Variants in STPG2 observed in about 807,000 individuals in gnomAD.
The protein encoded by STPG2 is sperm tail PG-rich repeat containing 2.
Under a neutral mutation model 54.2 loss-of-function variants are expected in STPG2, and 56 were observed. The ratio of observed to expected loss-of-function variants is 1.03; its 90% confidence interval spans 0.83 to 1.29. The LOEUF (loss-of-function observed/expected upper bound fraction) is 1.29. Among genes scored for constraint, STPG2 ranks in the 50% most tolerant of loss-of-function variants. The pLI is 0.00. For synonymous variants in STPG2, 200 were observed against 181.8 expected, an observed-to-expected ratio of 1.10 and a Z score of -0.81; for missense variants, 596 against 544.9, an observed-to-expected ratio of 1.09 and a Z score of -0.93.
intron 9 of STPG2, among the ~76,000 whole-genome samples, chr4:97,779,050 T>G (rs1726497951): frequency 6.6e-6 from 1 of 152,080 alleles, no homozygotes; most frequent in South Asian, 2.1e-4. Context: ...GGAACACAGC[T>G]CCTCACCAGC....
chr4:97,602,414 T>C (rs72890835), intron 10 of STPG2, among the ~76,000 whole-genome samples: 16,521 of 151,774 alleles, frequency 0.11, 2,672 homozygotes, highest in African/African-American at 0.36. Flanking sequence ...ACACACTTAT[T>C]TTCCCTTTTT....
intron 1 of STPG2, among the ~76,000 whole-genome samples, chr4:98,136,015 A>G (rs1740124475): frequency 6.6e-6 from 1 of 151,792 alleles, no homozygotes; most frequent in South Asian, 2.1e-4. Flanking sequence ...AAGTCAATGA[A>G]AAGAAACAGA....
At chr4:97,595,307 G>A (rs936590113) in intron 10 of STPG2, among the ~76,000 whole-genome samples, 3 of 152,022 alleles carry the variant, frequency 2.0e-5, no homozygotes, top group African/African-American at 7.3e-5. Flanking sequence ...GTAGGGACAT[G>A]GATGAAGCTG....
Position 97,972,455 on chromosome 4 carries a change from A to C in STPG2, c.773-15T>G. 7.0e-7 allele frequency: 1 copy of C among 1,421,570 alleles called. No homozygotes were observed. The highest frequency in any genetic ancestry group is 9.5e-7 in the Non-Finnish European group (1 of 1,057,768). 88.1% of individuals were successfully genotyped at this position (1,421,570 alleles called of 1,614,324 possible). A position where few individuals can be genotyped will look rare whatever the true frequency, so the allele number is the denominator to read the frequency against. ...AAATCCAGGACCTAAAATTATTAGAAGTATCATATATAAGAATAAGCATGC... is the reference window on the plus strand; with the variant it reads ...AAATCCAGGACCTAAAATTATTAGACGTATCATATATAAGAATAAGCATGC... On this transcript the variant is annotated splice_polypyrimidine_tract_variant and intron_variant, in intron 6 of 10. Transcript: ENST00000295268.
Position 98,019,613 on chromosome 4 carries a change from G to A in STPG2, c.613-38295C>T, listed in dbSNP as rs183702494. 1.8e-3 allele frequency among the ~76,000 whole-genome samples: 266 copies of A among 150,548 alleles called. 1 individual carries two copies. The highest frequency in any genetic ancestry group is 6.2e-3 in the African/African-American group (253 of 40,762). The stretch of plus-strand genomic sequence containing the variant: ...ATGTATAAATTACCTTGGGCAGTAC[G>A]GCCATTTTCACAATATTGATTCTTC... On this transcript the variant is annotated intron_variant, in intron 5 of 10. Coordinates refer to ENST00000295268, the MANE Select transcript of STPG2 (RefSeq NM_174952.3).
chr4:97,608,008 C>T (rs1318027965), intron 10 of STPG2, among the ~76,000 whole-genome samples: 1 of 151,944 alleles, frequency 6.6e-6, no homozygotes, highest in Non-Finnish European at 1.5e-5. Context: ...TACTTCCCAT[C>T]CCTATAAAGT....
intron 9 of STPG2, among the ~76,000 whole-genome samples, chr4:97,821,757 C>T (rs1362439324): frequency 6.6e-6 from 1 of 152,206 alleles, no homozygotes; most frequent in African/African-American, 2.4e-5. Flanking sequence ...CCATCTGGAA[C>T]TACAGCCTGA....
At chr4:97,776,996 T>C (rs1726397520) in intron 9 of STPG2, among the ~76,000 whole-genome samples, 1 of 152,164 alleles carries the variant, frequency 6.6e-6, no homozygotes, top group South Asian at 2.1e-4. Context: ...GCTGCCTACC[T>C]CACAAGTTTC....
At chr4:97,510,114 T>C (rs997486988) in intron 4 of STPG2, among the ~76,000 whole-genome samples, 1 of 152,016 alleles carries the variant, frequency 6.6e-6, no homozygotes, top group African/African-American at 2.4e-5. Context: ...TGTAAATGAA[T>C]CAATGATTTG....
At chr4:98,142,586 T>A (rs930556479) in intron 1 of STPG2, among the ~76,000 whole-genome samples, 2 of 151,966 alleles carry the variant, frequency 1.3e-5, no homozygotes, top group Non-Finnish European at 2.9e-5. Context: ...AACGGAACTA[T>A]CTTTAAATAA....
At chr4:97,861,929 A>G (rs935747889) in intron 8 of STPG2, among the ~76,000 whole-genome samples, 2 of 152,136 alleles carry the variant, frequency 1.3e-5, no homozygotes, top group Admixed American at 6.5e-5. Flanking sequence ...GAAGCACTAA[A>G]CATGGAAAGG....
In STPG2 at chr4:98,020,040, A is replaced by C. The variant is rs1488532666; in HGVS notation, c.613-38722T>G. On this transcript the variant is annotated intron_variant, in intron 5 of 10. Transcript: ENST00000295268. ...CTCCTGCCTAATTGCCCTGGCCAGA[A>C]CTTCCAACAGTATGTTGAATAGGAG... Among the ~76,000 whole-genome samples, 16 of 119,808 alleles carry C rather than the reference A, an allele frequency of 1.3e-4. 2 individuals are homozygous for C. Among genetic ancestry groups the C allele is most frequent in the Non-Finnish European group, 2.9e-4 (16 of 54,992 alleles). The allele number at this position is 119,808 out of a possible 152,430, so 78.6% of individuals were successfully genotyped here.
At chr4:97,576,468 T>G (rs1014124912) in intron 10 of STPG2, among the ~76,000 whole-genome samples, 10 of 152,038 alleles carry the variant, frequency 6.6e-5, no homozygotes, top group African/African-American at 2.4e-4. Context: ...GCCACACACT[T>G]AGACAAAGTT....
chr4:98,103,589 C>T (rs558496383), intron 5 of STPG2, among the ~76,000 whole-genome samples: 9 of 151,288 alleles, frequency 5.9e-5, no homozygotes, highest in Non-Finnish European at 1.2e-4. Flanking sequence ...TGCAGTGAGC[C>T]GAGATCGTAC....
At chr4:97,567,755 TA>T (rs1446610286) in intron 10 of STPG2, among the ~76,000 whole-genome samples, 1 of 152,012 alleles carries the variant, frequency 6.6e-6, no homozygotes. Flanking sequence ...GTATATTACA[TA>T]TAGATAAAAT....
chr4:97,695,915 T>C (rs1723555971), intron 10 of STPG2, among the ~76,000 whole-genome samples: 1 of 151,928 alleles, frequency 6.6e-6, no homozygotes, highest in Admixed American at 6.5e-5. Flanking sequence ...ATTGTGAAAA[T>C]GACCACACTG....
intron 5 of STPG2, among the ~76,000 whole-genome samples, chr4:97,997,579 C>G (rs930082769): frequency 4.6e-5 from 7 of 152,146 alleles, no homozygotes; most frequent in African/African-American, 1.7e-4. Context: ...TTGGAAATTA[C>G]ATTTCAATAT....
chr4:97,616,246 T>A (rs893589416), intron 10 of STPG2, among the ~76,000 whole-genome samples: 1 of 151,122 alleles, frequency 6.6e-6, no homozygotes, highest in Admixed American at 6.6e-5. Context: ...ATGTTTTGTT[T>A]TTGGAAATAT....
chr4:97,957,539 C>CA lies in STPG2; in HGVS notation c.934-13533_934-13532insT, dbSNP rs1268336525. ...AAACGTTCCCAGCCTTGCTAAAGAC[C>CA]TAGACATCCAAATACAAGAAGCTGA... On this transcript the variant is annotated intron_variant, in intron 7 of 10. Coordinates refer to ENST00000295268, the MANE Select transcript of STPG2 (RefSeq NM_174952.3). 3.3e-5 allele frequency among the ~76,000 whole-genome samples: 5 copies of CA among 152,120 alleles called. No individual in the cohort carries two copies. In the South Asian group the frequency reaches 1.0e-3, roughly 32 times the overall value.
Sources: gnomAD v4.1 joint callset for allele counts (sites outside exome capture counted in the v4.1 genomes callset) on GRCh38, gnomAD v4.1.1 for gene constraint, MANE v1.5 for transcripts, NCBI Gene and HGNC (gene_info 2026-07-23, HGNC 2026-07-21) for gene names.